The following KAZN variants were observed in gnomAD, a reference collection of about 807,000 sequenced individuals.
KAZN encodes the protein kazrin.
A neutral mutation model predicts 87.4 loss-of-function variants in KAZN; 40 were observed. The ratio of observed to expected loss-of-function variants is 0.46; its 90% CI spans 0.36 to 0.60. The LOEUF is 0.60. Ranked by LOEUF, KAZN falls within the 20% of genes least tolerant of loss-of-function variation. The probability of loss-of-function intolerance (pLI) is 0.00; values close to 1 mark genes in which losing one functional copy is unlikely to be tolerated. For missense variants in KAZN, 898 were observed against 1,073.9 expected (o/e 0.84, Z 2.29); for synonymous variants, 466 against 458.3 (o/e 1.02, Z -0.22).
chr1:13,986,666 A>G (rs947590999), intron 1 of KAZN, among the ~76,000 whole-genome samples: 1 of 152,218 alleles, frequency 6.6e-6, no homozygotes, highest in Non-Finnish European at 1.5e-5. Flanking sequence ...ACTTAAAAGG[A>G]AAAGGAATGT....
chr1:14,363,575 T>C (rs1659701794), intron 2 of KAZN, among the ~76,000 whole-genome samples: 1 of 152,172 alleles, frequency 6.6e-6, no homozygotes, highest in African/African-American at 2.4e-5. Flanking sequence ...AAATAATACA[T>C]CAAAAGTTAC....
At chr1:14,936,466 C>G (rs931007941) in intron 1 of KAZN, among the ~76,000 whole-genome samples, 3 of 152,172 alleles carry the variant, frequency 2.0e-5, no homozygotes, top group Admixed American at 2.0e-4. Context: ...TGGGATATGC[C>G]TTGGTCTCAG....
intron 2 of KAZN, among the ~76,000 whole-genome samples, chr1:14,553,670 C>G (rs548367887): frequency 3.3e-5 from 5 of 152,204 alleles, no homozygotes; most frequent in Non-Finnish European, 5.9e-5. Flanking sequence ...TGAAACCCCC[C>G]TCTTGGGCTT....
chr1:14,141,317 T>G (rs1020093202), intron 1 of KAZN, among the ~76,000 whole-genome samples: 1 of 151,144 alleles, frequency 6.6e-6, no homozygotes, highest in African/African-American at 2.4e-5. Flanking sequence ...CATGGGGACC[T>G]GGCCGCAGAA....
chr1:14,819,015 A>G (rs147568704), intron 1 of KAZN, among the ~76,000 whole-genome samples: 1,848 of 152,312 alleles, frequency 0.012, 39 homozygotes, highest in African/African-American at 0.042. Flanking sequence ...AGATCGTGCC[A>G]TTGCACTCCA....
At chr1:14,151,490 G>A (rs1239970463) in intron 1 of KAZN, among the ~76,000 whole-genome samples, 1 of 152,272 alleles carries the variant, frequency 6.6e-6, no homozygotes, top group East Asian at 1.9e-4. Context: ...CCATATTGAT[G>A]TTGTAATTAA....
intron 8 of KAZN, chr1:15,068,107 A>C (rs1181492485): frequency 2.2e-6 from 2 of 919,544 alleles, no homozygotes; most frequent in East Asian, 2.4e-4. Flanking sequence ...GGATGCAAAT[A>C]TAAAATATTA....
chr1:15,004,131 C>A (rs542489056), intron 2 of KAZN, among the ~76,000 whole-genome samples: 14 of 152,336 alleles, frequency 9.2e-5, no homozygotes, highest in African/African-American at 3.4e-4. Context: ...AGGAGGATAA[C>A]ATCAGACTGG....
chr1:14,623,678 T>C (rs1466393333), intron 1 of KAZN, among the ~76,000 whole-genome samples: 1 of 152,242 alleles, frequency 6.6e-6, no homozygotes, highest in Non-Finnish European at 1.5e-5. Flanking sequence ...TATAGGTGTT[T>C]AGTGCCATGA....
intron 8 of KAZN, among the ~76,000 whole-genome samples, chr1:15,072,440 TTTGAG>T (rs2100596198): frequency 6.6e-6 from 1 of 152,014 alleles, no homozygotes; most frequent in Non-Finnish European, 1.5e-5. Context: ...ACAGGGAGGG[TTTGAG>T]TTATTTGCCC....
chr1:14,683,193 C>T (rs1239618178), intron 1 of KAZN, among the ~76,000 whole-genome samples: 1 of 152,232 alleles, frequency 6.6e-6, no homozygotes, highest in African/African-American at 2.4e-5. Context: ...GTGGTAGGAA[C>T]GACCCTGATA....
intron 1 of KAZN, among the ~76,000 whole-genome samples, chr1:14,608,919 G>A (rs973881956): frequency 1.8e-4 from 28 of 152,026 alleles, no homozygotes; most frequent in Admixed American, 1.6e-3. Context: ...GAACACAGTG[G>A]GATTAATGTC....
At chr1:15,004,367 T>TA (rs1287407176) in intron 2 of KAZN, among the ~76,000 whole-genome samples, 3 of 152,126 alleles carry the variant, frequency 2.0e-5, no homozygotes, top group African/African-American at 7.2e-5. Flanking sequence ...ACTGTGCAAA[T>TA]ATCATTGCAG....
chr1:14,466,851 C>A (rs1307368223), intron 2 of KAZN, among the ~76,000 whole-genome samples: 1 of 152,074 alleles, frequency 6.6e-6, no homozygotes, highest in Non-Finnish European at 1.5e-5. Context: ...CGCCTGTGGT[C>A]CCAGCTACTT....
chr1:14,976,184 T>C (rs1665603208), intron 2 of KAZN, among the ~76,000 whole-genome samples: 1 of 152,222 alleles, frequency 6.6e-6, no homozygotes, highest in Non-Finnish European at 1.5e-5. Context: ...ATTCATTTAT[T>C]TGAGACAAGG....
intron 1 of KAZN, among the ~76,000 whole-genome samples, chr1:14,729,953 C>T (rs768602752): frequency 1.3e-5 from 2 of 152,128 alleles, no homozygotes; most frequent in Non-Finnish European, 2.9e-5. Context: ...AACACAGGCA[C>T]GCCCATTCGT....
intron 1 of KAZN, among the ~76,000 whole-genome samples, chr1:14,761,890 CT>C (rs5772600): frequency 0.53 from 74,000 of 138,710 alleles, 19,888 homozygotes; most frequent in African/African-American, 0.68. Context: ...GTGGCAGAGT[CT>C]TTTTTTTTTT....
intron 1 of KAZN, among the ~76,000 whole-genome samples, chr1:14,848,573 C>A (rs1333233515): frequency 1.3e-5 from 2 of 152,178 alleles, no homozygotes; most frequent in Non-Finnish European, 2.9e-5. Context: ...GTGTGGGGTG[C>A]AAGGAGCCTT....
intron 2 of KAZN, among the ~76,000 whole-genome samples, chr1:14,537,462 G>C (rs1054334112): frequency 6.6e-6 from 1 of 152,148 alleles, no homozygotes; most frequent in South Asian, 2.1e-4. Flanking sequence ...ACGGCTAGTG[G>C]GTATGATCTT....
Sources: allele counts gnomAD v4.1 joint callset (sites outside exome capture counted in the v4.1 genomes callset), GRCh38; gene constraint gnomAD v4.1.1; transcripts MANE v1.5; gene names NCBI Gene and HGNC (gene_info 2026-07-23, HGNC 2026-07-21).